Variants in ABCA13 observed in about 807,000 individuals in gnomAD.
ABCA13 encodes the protein ATP-binding cassette sub-family A member 13.
Under a neutral mutation model 478.7 loss-of-function variants are expected in ABCA13, and 476 were observed. That is an observed-to-expected ratio of 0.99 (90% CI 0.92 to 1.07). The LOEUF (loss-of-function observed/expected upper bound fraction) is 1.07, where lower values mean the gene tolerates loss of function less well. ABCA13 is among the 50% of genes least tolerant of loss of function. The pLI, the probability that ABCA13 is intolerant of heterozygous loss-of-function variation, is 0.00. For synonymous variants in ABCA13, 2,252 were observed against 2,158.9 expected (o/e 1.04, Z -1.20); for missense variants, 6,060 against 5,910.6 (o/e 1.03, Z -0.83).
At chr7:48,445,103 G>C (rs1824125270) in intron 42 of ABCA13, among the ~76,000 whole-genome samples, 1 of 151,546 alleles carries the variant, frequency 6.6e-6, no homozygotes, top group Non-Finnish European at 1.5e-5. Flanking sequence ...CCAGCTCCTA[G>C]GTTCAAGCGA....
chr7:48,600,659 T>A (rs1271686093), intron 58 of ABCA13, among the ~76,000 whole-genome samples: 1 of 152,184 alleles, frequency 6.6e-6, no homozygotes, highest in African/African-American at 2.4e-5. Flanking sequence ...CTTGCCCTAA[T>A]ATGGCTCTAT....
chr7:48,487,342 A>C (rs913506298), intron 47 of ABCA13, among the ~76,000 whole-genome samples: 2 of 143,098 alleles, frequency 1.4e-5, no homozygotes, highest in Non-Finnish European at 3.0e-5. Context: ...AACAAAAAAA[A>C]CAAACAAACA....
chr7:48,585,263 A>G (rs1789072801), intron 56 of ABCA13, among the ~76,000 whole-genome samples: 1 of 152,228 alleles, frequency 6.6e-6, no homozygotes, highest in Non-Finnish European at 1.5e-5. Context: ...GATAATTAAA[A>G]TAGTTGTTCT....
At chr7:48,410,448 T>C in intron 39 of ABCA13, 72 bp from the exon 40 acceptor site, 1 of 1,576,964 alleles carries the variant, frequency 6.3e-7, no homozygotes, top group South Asian at 1.1e-5. Flanking sequence ...TCTACCATCC[T>C]GAGGAAAGGA....
intron 15 of ABCA13, 69 bp downstream of exon 15, chr7:48,249,420 T>C: frequency 6.3e-7 from 1 of 1,588,380 alleles, no homozygotes; most frequent in South Asian, 1.2e-5. Flanking sequence ...CATAATTTCC[T>C]GAGAGTCCAT....
intron 2 of ABCA13, among the ~76,000 whole-genome samples, chr7:48,193,799 AGAT>A (rs201246483): frequency 0.08 from 10,730 of 134,306 alleles, 459 homozygotes; most frequent in East Asian, 0.18. Flanking sequence ...ATAATAATGG[AGAT>A]GATGATTGGG....
chr7:48,602,367 T>C (rs1790986922), intron 58 of ABCA13, among the ~76,000 whole-genome samples: 1 of 152,226 alleles, frequency 6.6e-6, no homozygotes, highest in Admixed American at 6.5e-5. Context: ...GTCTTACATT[T>C]AAGTCTTTAA....
At chr7:48,297,173 C>G (rs1241606605) in intron 21 of ABCA13, 59 bp from the exon 22 acceptor site, 9 of 1,382,300 alleles carry the variant, frequency 6.5e-6, no homozygotes, top group African/African-American at 1.4e-5. Flanking sequence ...TTATTCATTC[C>G]AACACTGTTT....
At chr7:48,359,135 G>A (rs1401673274) in intron 31 of ABCA13, among the ~76,000 whole-genome samples, 1 of 151,926 alleles carries the variant, frequency 6.6e-6, no homozygotes, top group Non-Finnish European at 1.5e-5. Context: ...GGCTTGTAGT[G>A]CGCAGTGAAT....
chr7:48,238,829 T>C (rs890805010), intron 8 of ABCA13, among the ~76,000 whole-genome samples: 1 of 152,264 alleles, frequency 6.6e-6, no homozygotes, highest in Non-Finnish European at 1.5e-5. Flanking sequence ...AAACAGTTTC[T>C]GACCCAGGAC....
chr7:48,545,586 G>A (rs6970434), intron 55 of ABCA13, among the ~76,000 whole-genome samples: 21,260 of 151,302 alleles, frequency 0.14, 2,062 homozygotes, highest in African/African-American at 0.23. Context: ...CATTAAAGTG[G>A]AGTGACTAAA....
intron 43 of ABCA13, among the ~76,000 whole-genome samples, chr7:48,460,876 A>G (rs10227187): frequency 0.19 from 28,505 of 152,126 alleles, 3,065 homozygotes; most frequent in African/African-American, 0.29. Flanking sequence ...CAGGTTTTGC[A>G]AAATGGTCAC....
chr7:48,580,159 T>C (rs1449580427), intron 55 of ABCA13, 65 bp from the exon 56 acceptor site: 1 of 1,477,784 alleles, frequency 6.8e-7, no homozygotes, highest in Non-Finnish European at 9.0e-7. Context: ...GAGCCACATT[T>C]TAAAAATGGG....
intron 44 of ABCA13, among the ~76,000 whole-genome samples, chr7:48,468,891 G>C (rs117950306): frequency 6.6e-6 from 1 of 152,142 alleles, no homozygotes; most frequent in Non-Finnish European, 1.5e-5. Flanking sequence ...GTCTAAATCC[G>C]ATCTAAAATA....
chr7:48,172,941 T>A (rs1794349841), intron 1 of ABCA13, among the ~76,000 whole-genome samples: 2 of 151,860 alleles, frequency 1.3e-5, no homozygotes. Flanking sequence ...TTCATTGACA[T>A]GTAAGTTTGT....
intron 1 of ABCA13, among the ~76,000 whole-genome samples, chr7:48,173,000 T>C (rs1794357943): frequency 6.6e-6 from 1 of 152,014 alleles, no homozygotes; most frequent in Non-Finnish European, 1.5e-5. Flanking sequence ...TGGGTGGAAG[T>C]TGGTTCCCAG....
chr7:48,295,887 C>T, intron 21 of ABCA13, 24 bp downstream of exon 21: 4 of 1,578,528 alleles, frequency 2.5e-6, no homozygotes, highest in Admixed American at 1.8e-5. Flanking sequence ...TTCTTTCATG[C>T]CCTCCCCAGT....
chr7:48,594,147 G>T (rs1790046176), intron 57 of ABCA13, among the ~76,000 whole-genome samples: 1 of 152,018 alleles, frequency 6.6e-6, no homozygotes, highest in Non-Finnish European at 1.5e-5. Context: ...TAAGCATTCT[G>T]CTGCCCCTTT....
chr7:48,219,682 G>T (rs774102449), intron 4 of ABCA13, among the ~76,000 whole-genome samples, 177 bp downstream of exon 4: 29 of 152,072 alleles, frequency 1.9e-4, no homozygotes, highest in Non-Finnish European at 3.8e-4. Flanking sequence ...GGTGGAGCTG[G>T]ATTCTCTCTC....
Sources: gnomAD v4.1 joint callset for allele counts (sites outside exome capture counted in the v4.1 genomes callset) on GRCh38, gnomAD v4.1.1 for gene constraint, MANE v1.5 for transcripts, NCBI Gene and HGNC (gene_info 2026-07-23, HGNC 2026-07-21) for gene names.